The following EPHA3 variants were observed in gnomAD, a reference collection of about 807,000 sequenced individuals.
EPHA3 encodes the protein ephrin type-A receptor 3.
Under a neutral mutation model 107.1 loss-of-function variants are expected in EPHA3, and 42 were observed. That is an observed-to-expected ratio of 0.39 (90% CI 0.31 to 0.51). The LOEUF (loss-of-function observed/expected upper bound fraction) is 0.51, where lower values mean the gene tolerates loss of function less well. Among genes scored for constraint, EPHA3 ranks in the 20% least tolerant of loss-of-function variants. The pLI, the probability that EPHA3 is intolerant of heterozygous loss-of-function variation, is 0.78. For synonymous variants in EPHA3, 461 were observed against 424.8 expected, an observed-to-expected ratio of 1.09 and a Z score of -1.05; for missense variants, 1,183 against 1,211.2, an observed-to-expected ratio of 0.98 and a Z score of 0.35.
chr3:89,225,047 A>G (rs1490717849), intron 3 of EPHA3, among the ~76,000 whole-genome samples: 1 of 152,096 alleles, frequency 6.6e-6, no homozygotes, highest in East Asian at 1.9e-4. Flanking sequence ...TTAAGGATGT[A>G]AAAATGTGAA....
At chr3:89,221,594 A>G (rs1704377451) in intron 3 of EPHA3, among the ~76,000 whole-genome samples, 1 of 152,176 alleles carries the variant, frequency 6.6e-6, no homozygotes, top group Non-Finnish European at 1.5e-5. Context: ...AAAGCCATAC[A>G]TACATTTAAA....
At chr3:89,154,513 C>A (rs1288322358) in intron 2 of EPHA3, among the ~76,000 whole-genome samples, 2 of 151,574 alleles carry the variant, frequency 1.3e-5, no homozygotes, top group Non-Finnish European at 2.9e-5. Context: ...TTCAAAAATA[C>A]TGATTTTGGA....
At chr3:89,441,067 T>C (rs1215681683) in intron 13 of EPHA3, among the ~76,000 whole-genome samples, 1 of 152,188 alleles carries the variant, frequency 6.6e-6, no homozygotes, top group African/African-American at 2.4e-5. Context: ...TGTTTTTGAA[T>C]GACAAGACAG....
intron 3 of EPHA3, among the ~76,000 whole-genome samples, chr3:89,215,923 C>G (rs1239387891): frequency 1.3e-5 from 2 of 151,874 alleles, no homozygotes; most frequent in East Asian, 3.8e-4. Flanking sequence ...TTCTAAAGCT[C>G]TAATTTAACT....
chr3:89,364,863 C>T (rs1355050976), intron 5 of EPHA3, among the ~76,000 whole-genome samples: 1 of 150,786 alleles, frequency 6.6e-6, no homozygotes, highest in Admixed American at 6.6e-5. Context: ...TTTCATCACT[C>T]CTTGCTACTT....
At chr3:89,204,155 C>G (rs1462608056) in intron 2 of EPHA3, among the ~76,000 whole-genome samples, 1 of 152,114 alleles carries the variant, frequency 6.6e-6, no homozygotes, top group Non-Finnish European at 1.5e-5. Context: ...AATTCTGATT[C>G]TTTTACATTT....
At chr3:89,136,092 G>A (rs1003646578) in intron 2 of EPHA3, among the ~76,000 whole-genome samples, 2 of 151,966 alleles carry the variant, frequency 1.3e-5, no homozygotes, top group African/African-American at 4.8e-5. Flanking sequence ...TGACAACTGT[G>A]TGTCAGCAAT....
At chr3:89,253,144 G>GT (rs1483663662) in intron 3 of EPHA3, among the ~76,000 whole-genome samples, 1 of 151,816 alleles carries the variant, frequency 6.6e-6, no homozygotes, top group Non-Finnish European at 1.5e-5. Flanking sequence ...TAGGCTTACA[G>GT]TTTTTCAAAA....
chr3:89,393,010 A>G (rs1708775974), intron 5 of EPHA3, among the ~76,000 whole-genome samples: 2 of 152,126 alleles, frequency 1.3e-5, no homozygotes, highest in South Asian at 2.1e-4. Flanking sequence ...GGAAAGAAAA[A>G]CAATTCCTAT....
At chr3:89,280,597 C>T (rs1705920165) in intron 3 of EPHA3, among the ~76,000 whole-genome samples, 1 of 152,104 alleles carries the variant, frequency 6.6e-6, no homozygotes, top group South Asian at 2.1e-4. Context: ...TTGCATTGAG[C>T]AATGCATCAA....
At chr3:89,158,328 A>G (rs900565979) in intron 2 of EPHA3, among the ~76,000 whole-genome samples, 3 of 152,046 alleles carry the variant, frequency 2.0e-5, no homozygotes, top group African/African-American at 7.2e-5. Context: ...TTTAATGTTC[A>G]TGGTAGACAG....
chr3:89,442,340 A>T (rs1709801485), intron 13 of EPHA3, among the ~76,000 whole-genome samples: 1 of 152,112 alleles, frequency 6.6e-6, no homozygotes, highest in Non-Finnish European at 1.5e-5. Flanking sequence ...TAGAAAGTTG[A>T]TTTCACTTAG....
chr3:89,151,691 A>G (rs1704693677), intron 2 of EPHA3, among the ~76,000 whole-genome samples: 1 of 152,130 alleles, frequency 6.6e-6, no homozygotes, highest in Non-Finnish European at 1.5e-5. Flanking sequence ...TAATATACAA[A>G]CAATATATTA....
chr3:89,321,369 A>G (rs531072817), intron 3 of EPHA3, among the ~76,000 whole-genome samples: 2 of 152,146 alleles, frequency 1.3e-5, no homozygotes, highest in African/African-American at 4.8e-5. Flanking sequence ...TCCTTTTCCT[A>G]CATGAAAAAT....
At chr3:89,442,269 A>T (rs1165498370) in intron 13 of EPHA3, among the ~76,000 whole-genome samples, 1 of 152,146 alleles carries the variant, frequency 6.6e-6, no homozygotes, top group Non-Finnish European at 1.5e-5. Context: ...GCTCTGGTGA[A>T]CTTGACCCCT....
chr3:89,128,793 C>T (rs1387901892), intron 2 of EPHA3, among the ~76,000 whole-genome samples: 1 of 151,746 alleles, frequency 6.6e-6, no homozygotes. Flanking sequence ...TTATATTTCA[C>T]AGCAACAGTC....
At chr3:89,294,966 A>G (rs1706310750) in intron 3 of EPHA3, among the ~76,000 whole-genome samples, 1 of 152,176 alleles carries the variant, frequency 6.6e-6, no homozygotes, top group Admixed American at 6.5e-5. Flanking sequence ...TTATTGAAAA[A>G]CAGTTTGATC....
At chr3:89,385,724 G>A (rs1159284303) in intron 5 of EPHA3, among the ~76,000 whole-genome samples, 1 of 152,090 alleles carries the variant, frequency 6.6e-6, no homozygotes, top group Non-Finnish European at 1.5e-5. Context: ...CTGGGAAACA[G>A]GCTAAGGTTA....
chr3:89,450,136 T>A, intron 14 of EPHA3, 41 bp from the exon 15 acceptor site: 1 of 1,512,562 alleles, frequency 6.6e-7, no homozygotes. Context: ...TGACACTTCC[T>A]GAAAACTTCC....
Sources: gnomAD v4.1 joint callset for allele counts (sites outside exome capture counted in the v4.1 genomes callset) on GRCh38, gnomAD v4.1.1 for gene constraint, MANE v1.5 for transcripts, NCBI Gene and HGNC (gene_info 2026-07-23, HGNC 2026-07-21) for gene names.